Variants in TG observed in about 807,000 individuals in gnomAD.
TG encodes the protein thyroglobulin.
Under a neutral mutation model 324.7 loss-of-function variants are expected in TG, and 270 were observed. That is an observed-to-expected ratio of 0.83 (90% CI 0.75 to 0.92). The LOEUF (loss-of-function observed/expected upper bound fraction) is 0.92. Ranked by LOEUF, TG falls within the 40% of genes least tolerant of loss-of-function variation. The pLI, the probability that TG is intolerant of heterozygous loss-of-function variation, is 0.00. For synonymous variants in TG, 1,401 were observed against 1,327.0 expected (o/e 1.06, Z -1.21); for missense variants, 3,591 against 3,456.4 (o/e 1.04, Z -0.98).
At position 133,113,407 on chromosome 8, in the gene TG, T is replaced by G; in HGVS notation, c.7573-15T>G. ...GAATCCAACTGAGGAATTTCGTATC[T>G]TTTTTTTTTTCTAGCAATTTGAGGA... On this transcript the variant is annotated splice_polypyrimidine_tract_variant and intron_variant, in intron 43 of 47. Transcript: ENST00000220616. 1 of 1,182,958 alleles carries G rather than the reference T, an allele frequency of 8.5e-7. No individual in the cohort carries two copies. Among genetic ancestry groups the G allele is most frequent in the Non-Finnish European group, 1.2e-6 (1 of 839,244 alleles). 73.3% of individuals were successfully genotyped at this position (1,182,958 alleles called of 1,614,324 possible).
intron 11 of TG, 150 bp from the exon 12 acceptor site, chr8:132,897,499 C>G (rs940459368): frequency 1.8e-6 from 2 of 1,110,202 alleles, no homozygotes; most frequent in South Asian, 2.5e-5. Context: ...TGCAAGGAGC[C>G]TTTGTAATAC....
At chr8:133,038,495 T>C (rs762350526) in intron 41 of TG, 3 of 1,528,632 alleles carry the variant, frequency 2.0e-6, no homozygotes, top group Non-Finnish European at 2.7e-6. Context: ...CTGTTCCTTT[T>C]GGGCATGAAC....
intron 26 of TG, among the ~76,000 whole-genome samples, chr8:132,943,026 A>T (rs1291398237): frequency 6.6e-6 from 1 of 152,150 alleles, no homozygotes; most frequent in East Asian, 1.9e-4. Flanking sequence ...CATCTGCACA[A>T]TATCCCCACC....
chr8:133,071,887 T>C (rs955026923), intron 41 of TG, among the ~76,000 whole-genome samples: 1 of 152,156 alleles, frequency 6.6e-6, no homozygotes. Flanking sequence ...ATTATATTCC[T>C]CAATGAAAAG....
Position 132,959,166 on chromosome 8 carries a change from C to G in TG, c.5402-1842C>G, listed in dbSNP as rs551223117. On this transcript the variant is annotated intron_variant, in intron 27 of 47. Coordinates refer to ENST00000220616, the MANE Select transcript of TG (RefSeq NM_003235.5). ...AGTCTTTTTGTCTCACCTTTGTGTC[C>G]TAGAACATGGTAGCCCCGGGGAGAC... 2.0e-5 allele frequency among the ~76,000 whole-genome samples: 3 copies of G among 152,248 alleles called. No homozygotes were observed. In the East Asian group the frequency reaches 5.8e-4, roughly 29 times the overall value.
chr8:133,133,695 G>A (rs373147441), intron 47 of TG, 35 bp downstream of exon 47: 2 of 1,602,566 alleles, frequency 1.2e-6, no homozygotes, highest in Admixed American at 1.7e-5. Context: ...AGGGAGCTGG[G>A]TGTTGATCTC....
At chr8:133,032,760 G>T (rs1564092871) in intron 41 of TG, among the ~76,000 whole-genome samples, 1 of 152,224 alleles carries the variant, frequency 6.6e-6, no homozygotes, top group Non-Finnish European at 1.5e-5. Flanking sequence ...GGCCAGAACT[G>T]TTGAAACATT....
intron 41 of TG, chr8:133,075,183 C>A: frequency 1.1e-6 from 1 of 925,002 alleles, no homozygotes; most frequent in Non-Finnish European, 1.3e-6. Flanking sequence ...GAGAATATGG[C>A]CAGCTTAACT....
At chr8:133,091,756 G>A (rs1847579980) in intron 41 of TG, among the ~76,000 whole-genome samples, 1 of 151,994 alleles carries the variant, frequency 6.6e-6, no homozygotes, top group Admixed American at 6.6e-5. Context: ...ATTTCTTTCT[G>A]TAGCTGGATG....
intron 22 of TG, among the ~76,000 whole-genome samples, chr8:132,925,131 T>C (rs977693783): frequency 6.6e-5 from 10 of 152,236 alleles, no homozygotes; most frequent in Non-Finnish European, 1.0e-4. Context: ...TTTATCAAAT[T>C]TGAATCCATG....
At chr8:132,925,516 C>CGTGTGTGTGTGTGTGTGTGTGTGTGT (rs139966752) in intron 22 of TG, among the ~76,000 whole-genome samples, 2 of 144,732 alleles carry the variant, frequency 1.4e-5, no homozygotes, top group African/African-American at 5.1e-5. Flanking sequence ...CTAAGGAGTG[C>CGTGTGTGTGTGTGTGTGTGTGTGTGT]GTGTGTGTGT....
At chr8:132,974,249 C>T (rs1414696124) in intron 34 of TG, among the ~76,000 whole-genome samples, 2 of 152,162 alleles carry the variant, frequency 1.3e-5, no homozygotes, top group African/African-American at 4.8e-5. Flanking sequence ...CCGCCTCGGC[C>T]TCCCAAAGTG....
At chr8:132,953,026 G>A (rs909919962) in intron 27 of TG, among the ~76,000 whole-genome samples, 3 of 152,204 alleles carry the variant, frequency 2.0e-5, no homozygotes, top group African/African-American at 7.2e-5. Context: ...AAATTAAGGG[G>A]TCTCCGGTAA....
At chr8:133,036,934 C>G (rs1837217851) in intron 41 of TG, 1 of 152,380 alleles carries the variant, frequency 6.6e-6, no homozygotes, top group African/African-American at 2.4e-5. Context: ...AAGTCAATGT[C>G]CACAGTGTTA....
intron 27 of TG, among the ~76,000 whole-genome samples, chr8:132,958,936 G>C (rs1224857246): frequency 6.6e-6 from 1 of 152,138 alleles, no homozygotes; most frequent in Non-Finnish European, 1.5e-5. Context: ...TCCAGTAATT[G>C]CAGAGATCCA....
At chr8:133,003,127 T>C in intron 35 of TG, 3 of 658,008 alleles carry the variant, frequency 4.6e-6, no homozygotes, top group Non-Finnish European at 5.7e-6. Flanking sequence ...TTTTTGGCAA[T>C]TTTTAACAGC....
At chr8:133,008,417 G>T (rs147375689) in intron 35 of TG, among the ~76,000 whole-genome samples, 1 of 151,594 alleles carries the variant, frequency 6.6e-6, no homozygotes, top group Non-Finnish European at 1.5e-5. Context: ...CTCACGATGC[G>T]ATAAGCATGC....
At chr8:132,870,033 A>C (rs1317822164) in intron 3 of TG, among the ~76,000 whole-genome samples, 1 of 152,132 alleles carries the variant, frequency 6.6e-6, no homozygotes, top group Non-Finnish European at 1.5e-5. Flanking sequence ...TTGTTCAATA[A>C]ATATCTACCC....
chr8:133,019,604 C>T lies in TG; in HGVS notation c.6785C>T (p.Ala2262Val). 2.5e-6 allele frequency: 4 copies of T among 1,613,492 alleles called. No individual in the cohort carries two copies. Among genetic ancestry groups the T allele is most frequent in the East Asian group, 2.2e-5 (1 of 44,850 alleles). The part of the protein sequence containing the change: ...TGSWDASKPR[A>V]SCWQPGTRTS... The stretch of plus-strand genomic sequence containing the variant: ...AGTCACCCAGTCTGTATCTGCAGGG[C>T]CAGCTGCTGGCAGCCAGGCACCAGA... The change falls in exon 39 of 48, where the codon GCC (alanine) becomes GTC (valine). Residue 2262 changes from alanine to valine, a missense_variant and splice_region_variant. Ala to Val is a moderately conservative substitution (Grantham distance 64). Coordinates refer to ENST00000220616, the MANE Select transcript of TG (RefSeq NM_003235.5).
Sources: allele counts gnomAD v4.1 joint callset (sites outside exome capture counted in the v4.1 genomes callset), GRCh38; gene constraint gnomAD v4.1.1; transcripts MANE v1.5; gene names NCBI Gene and HGNC (gene_info 2026-07-23, HGNC 2026-07-21).